Variants in RAD51 observed in about 807,000 individuals in gnomAD.
The protein encoded by RAD51 is DNA repair protein RAD51 homolog 1.
In RAD51, 14 loss-of-function variants were observed where a neutral mutation model predicts 41.5. That is an observed-to-expected ratio of 0.34 (90% CI 0.22 to 0.53). The LOEUF is 0.53. RAD51 is among the 20% of genes least tolerant of loss of function. The probability of loss-of-function intolerance (pLI) is 0.95; values close to 1 mark genes in which losing one functional copy is unlikely to be tolerated. For synonymous variants in RAD51, 136 were observed against 148.6 expected (o/e 0.92, Z 0.62); for missense variants, 234 against 422.0 (o/e 0.55, Z 3.90).
intron 5 of RAD51, among the ~76,000 whole-genome samples, chr15:40,709,461 CCT>C (rs1895555151): frequency 6.7e-6 from 1 of 149,406 alleles, no homozygotes; most frequent in South Asian, 2.1e-4. Context: ...ACTGCAACCT[CCT>C]CTCTGGTTCA....
intron 6 of RAD51, among the ~76,000 whole-genome samples, chr15:40,725,142 A>G (rs923293178): frequency 9.0e-4 from 136 of 150,706 alleles, no homozygotes; most frequent in African/African-American, 3.3e-3. Flanking sequence ...CTCATGATCC[A>G]CCCGCCTCGG....
At chr15:40,698,459 C>CA (rs1255439610) in intron 1 of RAD51, among the ~76,000 whole-genome samples, 1 of 151,982 alleles carries the variant, frequency 6.6e-6, no homozygotes, top group Non-Finnish European at 1.5e-5. Flanking sequence ...GTGCTGGGAT[C>CA]ACAGGCATGA....
intron 6 of RAD51, among the ~76,000 whole-genome samples, chr15:40,726,432 TA>T (rs1896588518): frequency 6.6e-6 from 1 of 151,674 alleles, no homozygotes; most frequent in Admixed American, 6.6e-5. Context: ...TTGTATTTTT[TA>T]AGTAGAGATG....
intron 7 of RAD51, 94 bp from the exon 8 acceptor site, chr15:40,729,411 A>C (rs1896757555): frequency 6.9e-7 from 1 of 1,449,076 alleles, no homozygotes; most frequent in Non-Finnish European, 9.5e-7. Flanking sequence ...GTATACAGGA[A>C]AAACTATGAA....
At chr15:40,711,305 G>A (rs1895694256) in intron 5 of RAD51, among the ~76,000 whole-genome samples, 1 of 152,206 alleles carries the variant, frequency 6.6e-6, no homozygotes, top group African/African-American at 2.4e-5. Context: ...ATGTGTACCT[G>A]TGGTCCTAGC....
chr15:40,707,926 C>G (rs957130044), intron 4 of RAD51, among the ~76,000 whole-genome samples: 2 of 151,330 alleles, frequency 1.3e-5, no homozygotes, highest in East Asian at 3.9e-4. Flanking sequence ...CCGTCTTGGC[C>G]AGGCTGGTCT....
intron 6 of RAD51, among the ~76,000 whole-genome samples, chr15:40,724,674 C>CTTTTTTTTTTTTTT (rs869156620): frequency 5.3e-5 from 5 of 94,344 alleles, no homozygotes; most frequent in East Asian, 4.3e-4. Context: ...TTTTTTATTT[C>CTTTTTTTTTTTTTT]TTTTTTTTTT....
chr15:40,718,148 G>A (rs765168418), intron 5 of RAD51, among the ~76,000 whole-genome samples: 5 of 152,064 alleles, frequency 3.3e-5, no homozygotes, highest in Non-Finnish European at 7.4e-5. Context: ...TCCAGAGCCC[G>A]GAAGGCAGAG....
chr15:40,720,457 A>G (rs373973376), intron 6 of RAD51, among the ~76,000 whole-genome samples: 85 of 152,204 alleles, frequency 5.6e-4, no homozygotes, highest in African/African-American at 1.9e-3. Context: ...CACTATTTAC[A>G]TTCAGCAATG....
At position 40,710,268 on chromosome 15, in the gene RAD51, AAAG is replaced by A. The variant is rs1567043733; in HGVS notation, c.435+1161_435+1163del. The stretch of plus-strand genomic sequence containing the variant: ...AAAAAAAAAAAAAAAAAAAAAAAAA[AAAG>A]AAGAAGAAAAAAAAAAGATCAGGAG... On this transcript the variant is annotated intron_variant, in intron 5 of 9. Coordinates refer to ENST00000267868, the MANE Select transcript of RAD51 (RefSeq NM_002875.5). 8.9e-3 allele frequency among the ~76,000 whole-genome samples: 1,202 copies of A among 135,150 alleles called. 15 individuals carry two copies. Among genetic ancestry groups the A allele is most frequent in the African/African-American group, 0.034 (1,150 of 33,990 alleles). The allele number at this position is 135,150 out of a possible 152,430, so 88.7% of individuals were successfully genotyped here.
At chr15:40,714,202 T>G (rs577754061) in intron 5 of RAD51, among the ~76,000 whole-genome samples, 1 of 152,016 alleles carries the variant, frequency 6.6e-6, no homozygotes, top group East Asian at 1.9e-4. Context: ...TTTATGATAA[T>G]AAGGGAGGAA....
intron 2 of RAD51, among the ~76,000 whole-genome samples, chr15:40,700,691 G>T (rs1255636916): frequency 2.6e-5 from 4 of 152,018 alleles, no homozygotes. Context: ...CATATATAGG[G>T]CTCATTTTTC....
rs546873286 is a variant in RAD51 at position 40,709,677 on chromosome 15, A to G, written c.435+561A>G. On this transcript the variant is annotated intron_variant, in intron 5 of 9. Transcript: ENST00000267868. ...CGTAAGCCACTGCGCCCAGCCCTCC[A>G]TCTTCTTCATTAGTCTAGATTTTAT... Among the ~76,000 whole-genome samples the G allele has an allele frequency of 4.6e-5, 7 of 151,988 alleles. 1 individual carries two copies. In the South Asian group the frequency reaches 8.4e-4, roughly 18 times the overall value.
intron 9 of RAD51, 111 bp from the exon 10 acceptor site, chr15:40,730,944 G>A (rs922262730): frequency 2.8e-5 from 39 of 1,375,898 alleles, no homozygotes; most frequent in Non-Finnish European, 3.8e-5. Flanking sequence ...CATTCCCAGG[G>A]TCCTTCTAGG....
At chr15:40,704,562 A>G (rs1374313073) in intron 3 of RAD51, among the ~76,000 whole-genome samples, 1 of 149,552 alleles carries the variant, frequency 6.7e-6, no homozygotes, top group Non-Finnish European at 1.5e-5. Flanking sequence ...GGGTTTCACC[A>G]TATTGGGCAG....
At chr15:40,719,588 T>C (rs1896168313) in intron 6 of RAD51, among the ~76,000 whole-genome samples, 1 of 152,098 alleles carries the variant, frequency 6.6e-6, no homozygotes, top group African/African-American at 2.4e-5. Context: ...ATCCCAACAC[T>C]TTGGGAGGCT....
At chr15:40,699,443 T>G (rs1174151184) in intron 2 of RAD51, among the ~76,000 whole-genome samples, 3 of 152,218 alleles carry the variant, frequency 2.0e-5, no homozygotes, top group Non-Finnish European at 2.9e-5. Flanking sequence ...GCGCCCAGCC[T>G]GTGCTGTTTT....
intron 3 of RAD51, among the ~76,000 whole-genome samples, chr15:40,703,775 C>A (rs1333266837): frequency 2.6e-5 from 4 of 151,984 alleles, no homozygotes; most frequent in Non-Finnish European, 5.9e-5. Context: ...AAAGAACCAG[C>A]TTTTGGTTTC....
chr15:40,708,560 C>T (rs1052670674), intron 4 of RAD51, among the ~76,000 whole-genome samples: 1 of 151,158 alleles, frequency 6.6e-6, no homozygotes, highest in African/African-American at 2.4e-5. Flanking sequence ...CTAATTATTT[C>T]AAAATACTTT....
Sources: gnomAD v4.1 joint callset for allele counts (sites outside exome capture counted in the v4.1 genomes callset) on GRCh38, gnomAD v4.1.1 for gene constraint, MANE v1.5 for transcripts, NCBI Gene and HGNC (gene_info 2026-07-23, HGNC 2026-07-21) for gene names.